FBXL18: variants seen among roughly 807,000 people sequenced by gnomAD.
The protein encoded by FBXL18 is F-box/LRR-repeat protein 18.
A neutral mutation model predicts 46.0 loss-of-function variants in FBXL18; 36 were observed. That is an observed-to-expected ratio of 0.78 (90% CI 0.60 to 1.03). The LOEUF is 1.03. FBXL18 is among the 50% of genes least tolerant of loss of function. FBXL18 has a pLI of 0.00. For missense variants in FBXL18, 977 were observed against 1,004.1 expected (o/e 0.97, Z 0.36); for synonymous variants, 557 against 465.3 (o/e 1.20, Z -2.54).
intron 3 of FBXL18, among the ~76,000 whole-genome samples, chr7:5,498,325 A>C (rs1051003569): frequency 6.6e-6 from 1 of 151,854 alleles, no homozygotes; most frequent in Admixed American, 6.6e-5. Context: ...TGACCTTATG[A>C]TCCACCCGCC....
chr7:5,485,608 G>A (rs1372799047), intron 4 of FBXL18, among the ~76,000 whole-genome samples: 1 of 151,858 alleles, frequency 6.6e-6, no homozygotes, highest in Non-Finnish European at 1.5e-5. Context: ...GAGTCCAGGA[G>A]TTCAAGACCA....
intron 2 of FBXL18, among the ~76,000 whole-genome samples, chr7:5,504,864 C>T (rs553413821): frequency 3.2e-5 from 4 of 124,922 alleles, no homozygotes; most frequent in Admixed American, 1.0e-4. Context: ...TGCAGTGAGC[C>T]GAGATCATGC....
chr7:5,482,042 C>T, intron 4 of FBXL18, 111 bp from the exon 5 acceptor site: 1 of 1,315,682 alleles, frequency 7.6e-7, no homozygotes, highest in East Asian at 2.4e-5. Flanking sequence ...CCGGGCTCAC[C>T]TGGGGCTCCC....
downstream of FBXL18, among the ~76,000 whole-genome samples, chr7:5,475,163 ATTT>A: frequency 6.6e-6 from 1 of 151,490 alleles, no homozygotes; most frequent in South Asian, 2.1e-4. The surrounding 1 kb of genome is among the most constrained non-coding windows in gnomAD (Gnocchi z 4.2). Flanking sequence ...TACTGAAAAT[ATTT>A]TAAAAATTAG....
intron 4 of FBXL18, among the ~76,000 whole-genome samples, chr7:5,468,128 G>A (rs972402242): frequency 1.4e-4 from 21 of 152,062 alleles, no homozygotes; most frequent in African/African-American, 3.6e-4. Flanking sequence ...GACTACAGGC[G>A]CCCGCCACCA....
rs760486867 is a variant in FBXL18, at chr7:5,494,760, G to A, written c.1782-3311C>T. ...AGACAGCAGGAGATGGAAACGGGGC[G>A]TTGGGCAAGGACGGTGCCGTCGTGT... On this transcript the variant is annotated intron_variant, in intron 3 of 4. Coordinates refer to ENST00000382368, the MANE Select transcript of FBXL18 (RefSeq NM_024963.6). Among the ~76,000 whole-genome samples the A allele has an allele frequency of 2.4e-3, 359 of 152,298 alleles. 6 individuals are homozygous for A. Among genetic ancestry groups the A allele is most frequent in the Non-Finnish European group, 1.2e-3 (84 of 68,034 alleles).
At chr7:5,463,550 T>A (rs1783288204) in intron 4 of FBXL18, among the ~76,000 whole-genome samples, 1 of 150,764 alleles carries the variant, frequency 6.6e-6, no homozygotes, top group Non-Finnish European at 1.5e-5. Context: ...GCCCAGGAGG[T>A]CAAGGCTGTA....
Position 5,500,986 on chromosome 7 carries a change from G to A in FBXL18, c.1283C>T (p.Ser428Phe), listed in dbSNP as rs768118907. The change falls in exon 3 of 5, where the codon TCC becomes TTC. Residue 428 changes from serine (S) to phenylalanine (F), a missense_variant. Physicochemically the swap from Ser to Phe is radical, Grantham distance 155. Transcript: ENST00000382368. ...GGGCGCGCGGTCGGCGCGCGGCGCGGAGTCAGCGACAGAGCAGACAGGCAG... is the reference window on the plus strand; with the variant it reads ...GGGCGCGCGGTCGGCGCGCGGCGCGAAGTCAGCGACAGAGCAGACAGGCAG... ...LSLPVCSVAD[S>F]APRADRAPAQ... 6.4e-7 allele frequency: 1 copy of A among 1,562,210 alleles called. No individual in the cohort carries two copies.
chr7:5,501,132 C>T lies in FBXL18; in HGVS notation c.1137G>A (p.Val379=), dbSNP rs777601194. 1 of 1,612,838 alleles carries T rather than the reference C, an allele frequency of 6.2e-7. No homozygotes were observed. The highest frequency in any genetic ancestry group is 1.1e-5 in the South Asian group (1 of 91,056). The change falls in exon 3 of 5, where the codon GTG becomes GTA. Residue 379 remains valine (V), a synonymous_variant. Coordinates refer to ENST00000382368, the MANE Select transcript of FBXL18 (RefSeq NM_024963.6). ...DIDSSILETL[V]ASCCNLRHLN... is the part of the protein sequence containing the mutation. The stretch of plus-strand genomic sequence containing the variant: ...GGTGGCGCAGGTTGCAGCAGGACGC[C>T]ACCAGAGTCTCCAGGATGCTGCTGT...
At chr7:5,467,865 C>A (rs915718995) in intron 4 of FBXL18, among the ~76,000 whole-genome samples, 2 of 151,960 alleles carry the variant, frequency 1.3e-5, no homozygotes, top group African/African-American at 4.8e-5. Flanking sequence ...TGTCTGACAG[C>A]AGAAAGAGCT....
chr7:5,464,684 C>A (rs77616861), intron 4 of FBXL18, among the ~76,000 whole-genome samples: 541 of 29,302 alleles, frequency 0.018, 1 homozygote, highest in South Asian at 0.034. Flanking sequence ...AAAAAAAAAA[C>A]ACTAAGATGG....
intron 3 of FBXL18, among the ~76,000 whole-genome samples, chr7:5,499,835 G>C (rs141082011): frequency 2.3e-3 from 345 of 151,738 alleles, no homozygotes; most frequent in Non-Finnish European, 4.1e-3. Context: ...CGAGATGGAG[G>C]ATCACTTAAG....
Position 5,481,469 on chromosome 7 carries a change from T to G in FBXL18, c.*306A>C. 7.5e-6 allele frequency: 2 copies of G among 267,066 alleles called. No individual in the cohort carries two copies. Among genetic ancestry groups the G allele is most frequent in the South Asian group, 4.2e-5 (1 of 23,600 alleles). The allele number at this position is 267,066 out of a possible 1,614,324, so 16.5% of individuals were successfully genotyped here. A position where few individuals can be genotyped will look rare whatever the true frequency, so the allele number is the denominator to read the frequency against. On this transcript the variant is annotated 3_prime_UTR_variant, in exon 5 of 5. Transcript: ENST00000382368. ...GGCCCGTGGACAGGGCCCCCAGGGA[T>G]TGCGGCTCAGTATACAAACCCCCCA...
chr7:5,478,156 C>T lies in FBXL18; in HGVS notation c.*3619G>A, dbSNP rs985085869. On this transcript the variant is annotated 3_prime_UTR_variant, in exon 5 of 5. Transcript: ENST00000382368. ...GGTCGAAGCAGCAAGTGTCTTCCCG[C>T]CCTGTGCACAGACAGGTCCCAGGAG... 2.0e-5 allele frequency: 3 copies of T among 152,358 alleles called. No individual in the cohort carries two copies. Among genetic ancestry groups the T allele is most frequent in the African/African-American group, 7.2e-5 (3 of 41,476 alleles). 9.4% of individuals were successfully genotyped at this position (152,358 alleles called of 1,614,324 possible). A position where few individuals can be genotyped will look rare whatever the true frequency, so the allele number is the denominator to read the frequency against.
chr7:5,494,663 G>GT (rs1327411470), intron 3 of FBXL18, among the ~76,000 whole-genome samples: 2 of 152,168 alleles, frequency 1.3e-5, no homozygotes, highest in African/African-American at 4.8e-5. Flanking sequence ...AAAAAAGACG[G>GT]TGCAGGCGCC....
chr7:5,463,714 T>A (rs55876726), intron 4 of FBXL18, among the ~76,000 whole-genome samples: 31,502 of 55,778 alleles, frequency 0.56, 8,026 homozygotes, highest in East Asian at 0.71. Context: ...ATTTATTTAT[T>A]TATTTATTTA....
At chr7:5,503,725 T>C (rs1313180098) in intron 2 of FBXL18, among the ~76,000 whole-genome samples, 2 of 151,832 alleles carry the variant, frequency 1.3e-5, no homozygotes, top group African/African-American at 4.8e-5. Context: ...TCCCAGCACT[T>C]TGGGAGGCTG....
At chr7:5,509,035 A>T (rs1584246584) in intron 1 of FBXL18, among the ~76,000 whole-genome samples, 1 of 151,968 alleles carries the variant, frequency 6.6e-6, no homozygotes, top group African/African-American at 2.4e-5. Context: ...TCCACTAAAA[A>T]TACAAAACTT....
intron 4 of FBXL18, chr7:5,489,273 C>A: frequency 1.9e-6 from 1 of 518,958 alleles, no homozygotes; most frequent in South Asian, 1.4e-5. Flanking sequence ...AATATGAGAA[C>A]CCTATCTCCA....
Sources: allele counts gnomAD v4.1 joint callset (sites outside exome capture counted in the v4.1 genomes callset), GRCh38; gene constraint gnomAD v4.1.1; non-coding constraint Gnocchi (gnomAD v3.1); transcripts MANE v1.5; gene names NCBI Gene and HGNC (gene_info 2026-07-23, HGNC 2026-07-21).